Variants in IQCJ observed in about 807,000 individuals in gnomAD.
IQCJ encodes the protein IQ domain-containing protein J.
In IQCJ, 9 loss-of-function variants were observed where a neutral mutation model predicts 11.0. That is an observed-to-expected ratio of 0.82 (90% CI 0.49 to 1.43). The LOEUF (loss-of-function observed/expected upper bound fraction) is 1.43, where lower values mean the gene tolerates loss of function less well. Ranked by LOEUF, IQCJ falls within the 40% of genes most tolerant of loss-of-function variation. The pLI, the probability that IQCJ is intolerant of heterozygous loss-of-function variation, is 0.00. For missense variants in IQCJ, 146 were observed against 133.2 expected (o/e 1.10, Z -0.47); for synonymous variants, 55 against 51.3 (o/e 1.07, Z -0.31).
At chr3:159,225,659 G>A (rs926646223) in intron 1 of IQCJ, among the ~76,000 whole-genome samples, 11 of 151,346 alleles carry the variant, frequency 7.3e-5, no homozygotes, top group African/African-American at 2.2e-4. Context: ...CACCAAATAC[G>A]GTGTTTTTTC....
At chr3:159,207,657 A>G (rs1724729125) in intron 1 of IQCJ, among the ~76,000 whole-genome samples, 1 of 152,256 alleles carries the variant, frequency 6.6e-6, no homozygotes, top group African/African-American at 2.4e-5. Context: ...ATTTCTGATC[A>G]TTCATCAAAA....
intron 1 of IQCJ, among the ~76,000 whole-genome samples, chr3:159,218,476 T>C (rs1725357000): frequency 6.6e-6 from 1 of 152,066 alleles, no homozygotes; most frequent in African/African-American, 2.4e-5. Context: ...AGGTGAGAAA[T>C]GTAAAAATAC....
intron 1 of IQCJ, among the ~76,000 whole-genome samples, chr3:159,182,454 G>A (rs1723142104): frequency 1.3e-5 from 2 of 152,108 alleles, no homozygotes; most frequent in Non-Finnish European, 2.9e-5. Flanking sequence ...TAGTGTAGCA[G>A]GACAAGCCGC....
chr3:159,076,842 G>A (rs1048205084), intron 1 of IQCJ, among the ~76,000 whole-genome samples: 4 of 152,080 alleles, frequency 2.6e-5, no homozygotes, highest in East Asian at 1.9e-4. Context: ...TTTATCAGCC[G>A]AGTGACCTTG....
intron 2 of IQCJ, among the ~76,000 whole-genome samples, chr3:159,251,013 T>A (rs902423801): frequency 6.6e-6 from 1 of 152,194 alleles, no homozygotes; most frequent in Non-Finnish European, 1.5e-5. Context: ...TAAATATATG[T>A]GTAGAATGAG....
chr3:159,077,531 C>A (rs534814925), intron 1 of IQCJ, among the ~76,000 whole-genome samples: 5 of 152,186 alleles, frequency 3.3e-5, no homozygotes, highest in African/African-American at 1.2e-4. Flanking sequence ...GAGCTTAAAA[C>A]TGAGCAATAC....
At chr3:159,069,936 G>C (rs1715451642) in intron 1 of IQCJ, 1 of 261,628 alleles carries the variant, frequency 3.8e-6, no homozygotes, top group South Asian at 3.9e-5. Context: ...GGAGAGAAGA[G>C]TTATATTGCT....
At chr3:159,091,647 T>TACACAC (rs111512204) in intron 1 of IQCJ, among the ~76,000 whole-genome samples, 6 of 133,928 alleles carry the variant, frequency 4.5e-5, no homozygotes, top group South Asian at 2.4e-4. Context: ...AAGGGGTATT[T>TACACAC]ACACACACAC....
rs1361005286 is a variant in IQCJ at position 159,086,013 on chromosome 3, A to T, written c.9+16572A>T. Among the ~76,000 whole-genome samples the T allele has an allele frequency of 5.3e-5, 8 of 152,202 alleles. No homozygotes were observed. In the South Asian group the frequency reaches 1.5e-3, roughly 28 times the overall value. On this transcript the variant is annotated intron_variant, in intron 1 of 3. Coordinates refer to ENST00000397832, the MANE Select transcript of IQCJ (RefSeq NM_001042706.3). ...GCCCATGCCTATGTCCTGAATGGTA[A>T]TGCCTAGGTTTTCTTCTAGGGTTTT...
At chr3:159,249,295 A>G (rs1011553805) in intron 2 of IQCJ, among the ~76,000 whole-genome samples, 21 of 152,190 alleles carry the variant, frequency 1.4e-4, no homozygotes, top group Non-Finnish European at 2.9e-4. Flanking sequence ...AATTAATGGT[A>G]TATACGTGGG....
At chr3:159,166,213 A>G (rs147752871) in intron 1 of IQCJ, among the ~76,000 whole-genome samples, 3 of 152,128 alleles carry the variant, frequency 2.0e-5, no homozygotes, top group Non-Finnish European at 4.4e-5. Flanking sequence ...ATAACTCTTC[A>G]TCCAACTTTG....
Position 159,111,872 on chromosome 3 carries a change from A to C in IQCJ, c.9+42431A>C, listed in dbSNP as rs538466730. ...GTGATGCTTGCTTAAAAGAGCAATAAGCATATGGGTTTAGTTTTACATTTA... is the reference window on the plus strand; with the variant it reads ...GTGATGCTTGCTTAAAAGAGCAATACGCATATGGGTTTAGTTTTACATTTA... On this transcript the variant is annotated intron_variant, in intron 1 of 3. Transcript: ENST00000397832. 2.0e-5 allele frequency among the ~76,000 whole-genome samples: 3 copies of C among 152,300 alleles called. No individual in the cohort carries two copies. The East Asian group carries it at 5.8e-4, about 29-fold the overall frequency.
intron 1 of IQCJ, among the ~76,000 whole-genome samples, chr3:159,072,082 G>A (rs1253141042): frequency 6.6e-6 from 1 of 152,046 alleles, no homozygotes; most frequent in Non-Finnish European, 1.5e-5. Flanking sequence ...TGTCAAGGAG[G>A]GAAGCTCCTG....
intron 1 of IQCJ, among the ~76,000 whole-genome samples, chr3:159,117,502 T>C (rs1333158058): frequency 6.6e-6 from 1 of 152,222 alleles, no homozygotes; most frequent in Non-Finnish European, 1.5e-5. Flanking sequence ...GAGTTCATTG[T>C]ATGTACAAAG....
chr3:159,243,779 C>T (rs975239645), intron 1 of IQCJ, among the ~76,000 whole-genome samples: 3 of 152,084 alleles, frequency 2.0e-5, no homozygotes, highest in Non-Finnish European at 2.9e-5. Context: ...AAAAGAAAAC[C>T]CAGGTACTAC....
At chr3:159,251,645 T>A (rs111251274) in intron 2 of IQCJ, among the ~76,000 whole-genome samples, 2,007 of 152,110 alleles carry the variant, frequency 0.013, 40 homozygotes, top group African/African-American at 0.046. Flanking sequence ...CACCCCTACC[T>A]TACCACATGC....
intron 1 of IQCJ, among the ~76,000 whole-genome samples, chr3:159,181,420 G>C (rs144416671): frequency 7.0e-6 from 1 of 143,594 alleles, no homozygotes; most frequent in African/African-American, 2.6e-5. Flanking sequence ...AACCAAGTGA[G>C]TGGCTAGACT....
chr3:159,169,088 T>G (rs767351247), intron 1 of IQCJ, among the ~76,000 whole-genome samples: 3 of 152,142 alleles, frequency 2.0e-5, no homozygotes, highest in Non-Finnish European at 2.9e-5. Context: ...CTCATTTAAT[T>G]GTCATTTTGA....
intron 1 of IQCJ, among the ~76,000 whole-genome samples, chr3:159,235,843 C>A (rs1422631889): frequency 6.6e-6 from 1 of 152,166 alleles, no homozygotes. Context: ...GCTATCACAA[C>A]AATTTTCAAT....
Sources: allele counts gnomAD v4.1 joint callset (sites outside exome capture counted in the v4.1 genomes callset), GRCh38; gene constraint gnomAD v4.1.1; transcripts MANE v1.5; gene names NCBI Gene and HGNC (gene_info 2026-07-23, HGNC 2026-07-21).